PLD1: variants seen among roughly 807,000 people sequenced by gnomAD.
PLD1 encodes the protein choline phosphatase 1.
PLD1 carries 112 observed loss-of-function variants against 137.1 expected under a neutral mutation model. The observed-to-expected ratio is 0.82, with a 90% CI of 0.70 to 0.96. The LOEUF (loss-of-function observed/expected upper bound fraction) is 0.96, where lower values mean the gene tolerates loss of function less well. PLD1 is among the 40% of genes least tolerant of loss of function. The pLI is 0.00. For synonymous variants in PLD1, 431 were observed against 454.7 expected, an observed-to-expected ratio of 0.95 and a Z score of 0.66; for missense variants, 1,321 against 1,342.0, an observed-to-expected ratio of 0.98 and a Z score of 0.24.
At position 171,634,682 on chromosome 3, in the gene PLD1, T is replaced by C. The variant is rs1192820782; in HGVS notation, c.2593+8158A>G. 3.3e-5 allele frequency among the ~76,000 whole-genome samples: 5 copies of C among 152,314 alleles called. No homozygotes were observed. In the East Asian group the frequency reaches 5.8e-4, roughly 18 times the overall value. The stretch of plus-strand genomic sequence containing the variant: ...TACATATGCCTATTTTGAAATTATA[T>C]ACATGTACTAAAAACTTGTCACTAT... On this transcript the variant is annotated intron_variant, in intron 23 of 26. Coordinates refer to ENST00000351298, the MANE Select transcript of PLD1 (RefSeq NM_002662.5).
chr3:171,754,758 A>G (rs190626272), intron 1 of PLD1, among the ~76,000 whole-genome samples: 28 of 152,356 alleles, frequency 1.8e-4, no homozygotes, highest in East Asian at 3.9e-4. Context: ...AATATTAGTG[A>G]TATTACATCC....
intron 6 of PLD1, among the ~76,000 whole-genome samples, chr3:171,729,607 T>C (rs911474509): frequency 3.9e-5 from 6 of 152,270 alleles, no homozygotes; most frequent in Admixed American, 3.9e-4. Flanking sequence ...GGCAATGTCC[T>C]TGTAGACTCA....
At chr3:171,686,123 CAAAA>C (rs370165481) in intron 16 of PLD1, among the ~76,000 whole-genome samples, 3 of 74,380 alleles carry the variant, frequency 4.0e-5, no homozygotes, top group Admixed American at 1.6e-4. Flanking sequence ...GACTCTATCT[CAAAA>C]AAAAAAAAAA....
rs183597622 is a variant in PLD1 at position 171,741,178 on chromosome 3, T to C, written c.-31-3096A>G. On this transcript the variant is annotated intron_variant, in intron 1 of 26. Transcript: ENST00000351298. ...CTTAGCCTTTTACTTTTATGGTTTA[T>C]AATATTTTATAAGATCATGTGGAAC... is the stretch of plus-strand genomic sequence containing the variant. Among the ~76,000 whole-genome samples the C allele has an allele frequency of 9.2e-5, 14 of 152,352 alleles. 1 individual carries two copies. In the East Asian group the frequency reaches 2.5e-3, roughly 27 times the overall value.
chr3:171,624,674 G>A (rs933994609), intron 23 of PLD1, among the ~76,000 whole-genome samples: 4 of 152,034 alleles, frequency 2.6e-5, no homozygotes, highest in Admixed American at 1.3e-4. Context: ...TTGAATAAAC[G>A]CAAATCCACA....
At chr3:171,785,207 C>T (rs1242929715) in intron 1 of PLD1, among the ~76,000 whole-genome samples, 2 of 152,164 alleles carry the variant, frequency 1.3e-5, no homozygotes, top group East Asian at 3.8e-4. Flanking sequence ...TGTCTTACCT[C>T]TATTCTGTTC....
intron 8 of PLD1, among the ~76,000 whole-genome samples, chr3:171,718,376 A>G (rs569023542): frequency 1.3e-5 from 2 of 152,334 alleles, no homozygotes; most frequent in South Asian, 4.1e-4. Context: ...TTCACACTCA[A>G]ATTCTATAAG....
chr3:171,707,502 C>G (rs1436163177), intron 11 of PLD1, among the ~76,000 whole-genome samples: 2 of 152,138 alleles, frequency 1.3e-5, no homozygotes, highest in Non-Finnish European at 2.9e-5. Flanking sequence ...AAGCATGAAA[C>G]ATTTTTTCCT....
chr3:171,613,528 T>C lies in PLD1; in HGVS notation c.2729-1096A>G, dbSNP rs1319027529. On this transcript the variant is annotated intron_variant, in intron 24 of 26. Coordinates refer to ENST00000351298, the MANE Select transcript of PLD1 (RefSeq NM_002662.5). ...GAGTACCTTCATAATTAATAGAGTATAATCTCAAATACAGATTGTCATTTG... is the reference window on the plus strand; with the variant it reads ...GAGTACCTTCATAATTAATAGAGTACAATCTCAAATACAGATTGTCATTTG... Among the ~76,000 whole-genome samples, 3 of 152,238 alleles carry C rather than the reference T, an allele frequency of 2.0e-5. No individual in the cohort carries two copies. The East Asian group carries it at 5.8e-4, about 29-fold the overall frequency.
intron 1 of PLD1, among the ~76,000 whole-genome samples, chr3:171,762,924 G>C (rs764811310): frequency 3.3e-5 from 5 of 152,170 alleles, no homozygotes; most frequent in Non-Finnish European, 7.4e-5. Context: ...AAGAAAACTA[G>C]TTGCCTTAAG....
chr3:171,604,272 C>T (rs1193561109), intron 26 of PLD1, among the ~76,000 whole-genome samples: 2 of 150,200 alleles, frequency 1.3e-5, no homozygotes, highest in Non-Finnish European at 3.0e-5. Context: ...CGAGATCATG[C>T]CACTGCACTC....
At chr3:171,714,123 TTAAG>T in intron 8 of PLD1, 78 bp from the exon 9 acceptor site, 1 of 860,642 alleles carries the variant, frequency 1.2e-6, no homozygotes, top group Non-Finnish European at 1.9e-6. Context: ...ATGACAAGTC[TTAAG>T]TAATCACTCT....
chr3:171,722,827 C>T (rs986028385), intron 8 of PLD1, among the ~76,000 whole-genome samples: 3 of 152,160 alleles, frequency 2.0e-5, no homozygotes, highest in African/African-American at 7.2e-5. Flanking sequence ...AACTCCATGA[C>T]CATGAATGGT....
At chr3:171,660,052 CTAA>C (rs1325958130) in intron 20 of PLD1, among the ~76,000 whole-genome samples, 1 of 152,054 alleles carries the variant, frequency 6.6e-6, no homozygotes, top group Non-Finnish European at 1.5e-5. Context: ...GCAAATATTA[CTAA>C]TGTTATGTGT....
At chr3:171,625,998 C>T (rs1042248669) in intron 23 of PLD1, among the ~76,000 whole-genome samples, 25 of 152,146 alleles carry the variant, frequency 1.6e-4, no homozygotes, top group Non-Finnish European at 2.6e-4. Flanking sequence ...CAAAGCTGGA[C>T]GGAGAATGAC....
At chr3:171,715,602 A>G (rs1412384195) in intron 8 of PLD1, among the ~76,000 whole-genome samples, 1 of 148,804 alleles carries the variant, frequency 6.7e-6, no homozygotes, top group Non-Finnish European at 1.5e-5. Flanking sequence ...GATCCTCTTC[A>G]GTTTTTTTTT....
intron 12 of PLD1, 30 bp from the exon 13 acceptor site, chr3:171,692,472 G>T: frequency 1.0e-6 from 1 of 985,196 alleles, no homozygotes; most frequent in Non-Finnish European, 1.6e-6. Flanking sequence ...ATGGAGGAAT[G>T]AGTATCTCTG....
chr3:171,779,893 T>G (rs570045832), intron 1 of PLD1, among the ~76,000 whole-genome samples: 52 of 141,514 alleles, frequency 3.7e-4, no homozygotes, highest in Non-Finnish European at 6.5e-4. Flanking sequence ...CTGGGGTTTG[T>G]ATACGTAAGT....
At chr3:171,623,313 CTTTTT>C (rs57580074) in intron 23 of PLD1, among the ~76,000 whole-genome samples, 1 of 130,022 alleles carries the variant, frequency 7.7e-6, no homozygotes, top group East Asian at 2.1e-4. Context: ...CCCTATCAGA[CTTTTT>C]TTTTTTTTTT....
Sources: gnomAD v4.1 joint callset for allele counts (sites outside exome capture counted in the v4.1 genomes callset) on GRCh38, gnomAD v4.1.1 for gene constraint, MANE v1.5 for transcripts, NCBI Gene and HGNC (gene_info 2026-07-23, HGNC 2026-07-21) for gene names.